MMP26: variants seen among roughly 807,000 people sequenced by gnomAD.
MMP26 encodes the protein matrix metallopeptidase 26, also known as matrix metalloproteinase-26.
Under a neutral mutation model 31.0 loss-of-function variants are expected in MMP26, and 33 were observed. That is an observed-to-expected ratio of 1.06 (90% confidence interval 0.81 to 1.42). The LOEUF is 1.42. Among genes scored for constraint, MMP26 ranks in the 40% most tolerant of loss-of-function variants. The pLI is 0.00. For missense variants in MMP26, 347 were observed against 316.1 expected, an observed-to-expected ratio of 1.10 and a Z score of -0.74; for synonymous variants, 122 against 114.9, an observed-to-expected ratio of 1.06 and a Z score of -0.40.
intron 2 of MMP26, among the ~76,000 whole-genome samples, chr11:4,900,428 A>T (rs12291506): frequency 0.13 from 19,159 of 152,174 alleles, 1,639 homozygotes; most frequent in South Asian, 0.19. Context: ...GGCAGTTAAC[A>T]TTGTTTTCTA....
chr11:4,756,048 A>G (rs1340441079), intron 1 of MMP26, among the ~76,000 whole-genome samples: 1 of 152,090 alleles, frequency 6.6e-6, no homozygotes, highest in Non-Finnish European at 1.5e-5. Context: ...ACTAACAAGA[A>G]AACATCCTTA....
At chr11:4,984,500 T>G (rs1846858988) in intron 2 of MMP26, among the ~76,000 whole-genome samples, 1 of 152,198 alleles carries the variant, frequency 6.6e-6, no homozygotes, top group South Asian at 2.1e-4. Context: ...TCACTTCTGA[T>G]TTCATTACCA....
chr11:4,908,427 T>C (rs1170276754), intron 2 of MMP26: 1 of 828,900 alleles, frequency 1.2e-6, no homozygotes, highest in African/African-American at 1.7e-5. Flanking sequence ...AAAAGCTATG[T>C]AGTGCAGAAT....
intron 2 of MMP26, chr11:4,804,692 C>T: frequency 2.4e-6 from 1 of 422,970 alleles, no homozygotes; most frequent in Non-Finnish European, 4.7e-6. Context: ...CACCTATAAT[C>T]CTAGCACTTT....
rs145107956 is a variant in MMP26, at chr11:4,866,685, A to G, written c.-145+99344A>G. 3.0e-4 allele frequency among the ~76,000 whole-genome samples: 45 copies of G among 152,316 alleles called. 1 individual carries two copies. The East Asian group carries it at 8.1e-3, about 27-fold the overall frequency. On this transcript the variant is annotated intron_variant, in intron 2 of 7. Coordinates refer to ENST00000380390, the MANE Select transcript of MMP26 (RefSeq NM_021801.5). ...ATTACGCCACCTGACTTCAAACTAT[A>G]TTACAAGGCTACAGTAACCAAAACA...
intron 2 of MMP26, among the ~76,000 whole-genome samples, chr11:4,812,408 A>G (rs1446207452): frequency 6.6e-6 from 1 of 152,172 alleles, no homozygotes; most frequent in African/African-American, 2.4e-5. Flanking sequence ...GCCAAGGTTG[A>G]GGTGACATGC....
At chr11:4,864,406 T>C (rs1381351391) in intron 2 of MMP26, among the ~76,000 whole-genome samples, 1 of 152,164 alleles carries the variant, frequency 6.6e-6, no homozygotes, top group Non-Finnish European at 1.5e-5. Flanking sequence ...TTGATCTCAT[T>C]TATTTTCCAT....
In MMP26 at chr11:4,843,432, C is replaced by G. The variant is rs7951005; in HGVS notation, c.-145+76091C>G. On this transcript the variant is annotated intron_variant, in intron 2 of 7. Coordinates refer to ENST00000380390, the MANE Select transcript of MMP26 (RefSeq NM_021801.5). Reference sequence around the variant, plus strand: ...TAAACTCTTGCCTTCTGTACACCCACAGGCCCAATACCACATGGAAGCTGC... The same window carrying G: ...TAAACTCTTGCCTTCTGTACACCCAGAGGCCCAATACCACATGGAAGCTGC... Among the ~76,000 whole-genome samples the G allele has an allele frequency of 4.1e-3, 628 of 152,362 alleles. 3 individuals are homozygous for G. The highest frequency in any genetic ancestry group is 0.013 in the African/African-American group (550 of 41,582).
intron 2 of MMP26, among the ~76,000 whole-genome samples, chr11:4,862,525 G>A (rs1850176620): frequency 6.6e-6 from 1 of 152,072 alleles, no homozygotes; most frequent in Admixed American, 6.6e-5. Context: ...TTTTCTAAGA[G>A]GCCAGAGACA....
chr11:4,771,318 T>A (rs1311723166), intron 2 of MMP26, among the ~76,000 whole-genome samples: 1 of 152,198 alleles, frequency 6.6e-6, no homozygotes, highest in Non-Finnish European at 1.5e-5. Flanking sequence ...TCATTTGCAC[T>A]GACACTAGTA....
chr11:4,807,212 A>G (rs1849282886), intron 2 of MMP26, among the ~76,000 whole-genome samples: 1 of 152,106 alleles, frequency 6.6e-6, no homozygotes. Flanking sequence ...CGCTGGGTCA[A>G]ATGGTATTTC....
intron 2 of MMP26, among the ~76,000 whole-genome samples, chr11:4,833,497 CTT>C (rs1159219556): frequency 6.6e-6 from 1 of 152,108 alleles, no homozygotes. Flanking sequence ...ACATTAAACT[CTT>C]TATAAAGTGT....
At chr11:4,901,614 T>C (rs1850803388) in intron 2 of MMP26, among the ~76,000 whole-genome samples, 1 of 152,192 alleles carries the variant, frequency 6.6e-6, no homozygotes, top group African/African-American at 2.4e-5. Flanking sequence ...ACTTTCTTCT[T>C]GGTGGTAAAA....
Position 4,935,903 on chromosome 11 carries a change from A to T in MMP26, c.-144-52165A>T, listed in dbSNP as rs1174851374. Among the ~76,000 whole-genome samples the T allele has an allele frequency of 2.1e-5, 3 of 142,794 alleles. No homozygotes were observed. In the East Asian group the frequency reaches 6.2e-4, roughly 29 times the overall value. The allele number at this position is 142,794 out of a possible 152,430, so 93.7% of individuals were successfully genotyped here. On this transcript the variant is annotated intron_variant, in intron 2 of 7. Transcript: ENST00000380390. ...TTTATTGATTTGCGTATATTGAACC[A>T]GCCTTGCATCCCAGGGATGAAGCCC...
At chr11:4,828,615 G>A (rs531004953) in intron 2 of MMP26, among the ~76,000 whole-genome samples, 1 of 152,232 alleles carries the variant, frequency 6.6e-6, no homozygotes, top group African/African-American at 2.4e-5. Context: ...ATGGGTGGAG[G>A]TTTGAATAAA....
At chr11:4,974,384 GTA>G (rs1846708321) in intron 2 of MMP26, among the ~76,000 whole-genome samples, 2 of 151,868 alleles carry the variant, frequency 1.3e-5, no homozygotes, top group East Asian at 3.9e-4. Flanking sequence ...AAAAATATAT[GTA>G]TATAGTGTCT....
rs188347916 is a variant in MMP26 at position 4,956,624 on chromosome 11, T to C, written c.-144-31444T>C. 1.7e-3 allele frequency among the ~76,000 whole-genome samples: 264 copies of C among 152,298 alleles called. 1 individual carries two copies. The highest frequency in any genetic ancestry group is 6.2e-3 in the African/African-American group (256 of 41,576). On this transcript the variant is annotated intron_variant, in intron 2 of 7. Coordinates refer to ENST00000380390, the MANE Select transcript of MMP26 (RefSeq NM_021801.5). ...GTTGATTCTGCATTCAAGGAAGTGT[T>C]GCAGGACAAACATCCTGGGACACAA...
chr11:4,839,420 A>G (rs1168673576), intron 2 of MMP26, among the ~76,000 whole-genome samples: 9 of 151,314 alleles, frequency 5.9e-5, no homozygotes, highest in Non-Finnish European at 1.3e-4. Flanking sequence ...CATGGCACCA[A>G]AAGAGACCCC....
intron 2 of MMP26, among the ~76,000 whole-genome samples, chr11:4,958,301 C>T (rs556512516): frequency 6.6e-6 from 1 of 152,320 alleles, no homozygotes; most frequent in South Asian, 2.1e-4. Context: ...CTCTTGCTAG[C>T]GCGAACAATA....
Sources: gnomAD v4.1 joint callset for allele counts (sites outside exome capture counted in the v4.1 genomes callset) on GRCh38, gnomAD v4.1.1 for gene constraint, MANE v1.5 for transcripts, NCBI Gene and HGNC (gene_info 2026-07-23, HGNC 2026-07-21) for gene names.